Variants in DAB1 observed in about 807,000 individuals in gnomAD.
DAB1 encodes the protein disabled homolog 1.
Under a neutral mutation model 64.6 loss-of-function variants are expected in DAB1, and 15 were observed. The ratio of observed to expected loss-of-function variants is 0.23; its 90% CI spans 0.16 to 0.36. The LOEUF is 0.36. Among genes scored for constraint, DAB1 ranks in the 10% least tolerant of loss-of-function variants. The pLI is 1.00. For synonymous variants in DAB1, 235 were observed against 251.9 expected (o/e 0.93, Z 0.64); for missense variants, 596 against 706.7 (o/e 0.84, Z 1.78).
At chr1:57,553,297 G>A (rs1328041212) in intron 7 of DAB1, among the ~76,000 whole-genome samples, 1 of 149,014 alleles carries the variant, frequency 6.7e-6, no homozygotes, top group Non-Finnish European at 1.5e-5. Flanking sequence ...AAAGATAAGA[G>A]CAGTGGTAAT....
intron 3 of DAB1, among the ~76,000 whole-genome samples, chr1:58,376,605 G>C (rs1229971375): frequency 6.8e-6 from 1 of 147,262 alleles, no homozygotes; most frequent in Non-Finnish European, 1.5e-5. Context: ...CCAACTATGT[G>C]GTCAATTTTT....
At chr1:57,444,933 C>T (rs569273332) in intron 7 of DAB1, among the ~76,000 whole-genome samples, 2 of 152,270 alleles carry the variant, frequency 1.3e-5, no homozygotes, top group South Asian at 4.1e-4. Flanking sequence ...ATTCCTAGGG[C>T]TGGTCAGTTA....
intron 4 of DAB1, among the ~76,000 whole-genome samples, chr1:58,199,603 TATA>T (rs1657888930): frequency 6.6e-6 from 1 of 152,218 alleles, no homozygotes; most frequent in Non-Finnish European, 1.5e-5. Context: ...AAATATTTAC[TATA>T]ATGCTACTAC....
chr1:57,444,688 G>A (rs1686071792), intron 7 of DAB1, among the ~76,000 whole-genome samples: 2 of 152,176 alleles, frequency 1.3e-5, no homozygotes, highest in Non-Finnish European at 2.9e-5. Flanking sequence ...GACTGCAGAG[G>A]CAGAAAGTGG....
At chr1:57,419,065 C>T (rs1003513120) in intron 1 of DAB1, among the ~76,000 whole-genome samples, 2 of 152,112 alleles carry the variant, frequency 1.3e-5, no homozygotes, top group African/African-American at 4.8e-5. Context: ...TATAAATGTA[C>T]ATACCAGAGG....
chr1:57,285,603 TCA>T (rs981931994), intron 2 of DAB1, among the ~76,000 whole-genome samples: 1 of 152,098 alleles, frequency 6.6e-6, no homozygotes, highest in Admixed American at 6.6e-5. Flanking sequence ...GTGGAAATAT[TCA>T]CACACACATA....
chr1:57,621,848 A>AT lies in DAB1; in HGVS notation n.625+27743dup, dbSNP rs1645863629. 5.3e-5 allele frequency among the ~76,000 whole-genome samples: 8 copies of AT among 152,252 alleles called. No individual in the cohort carries two copies. In the South Asian group the frequency reaches 1.7e-3, roughly 32 times the overall value. Reference sequence around the variant, plus strand: ...CCCCCAATTACTTCTTGACTGAGATATTTTTTGAACTAACCAGTTGCTTGA... The same window carrying AT: ...CCCCCAATTACTTCTTGACTGAGATATTTTTTTGAACTAACCAGTTGCTTGA... On this transcript the variant is annotated intron_variant and non_coding_transcript_variant, in intron 7 of 20. Transcript: ENST00000485760.
chr1:57,142,106 T>TGAC (rs2100812693), intron 3 of DAB1, among the ~76,000 whole-genome samples: 1 of 152,206 alleles, frequency 6.6e-6, no homozygotes, highest in South Asian at 2.1e-4. Context: ...TGTCAACAAA[T>TGAC]GATGATGATG....
chr1:57,701,548 T>C (rs1646907805), intron 6 of DAB1, among the ~76,000 whole-genome samples: 1 of 150,646 alleles, frequency 6.6e-6, no homozygotes, highest in Non-Finnish European at 1.5e-5. Context: ...ACACCAGGGG[T>C]AGGGGGAGGA....
intron 5 of DAB1, among the ~76,000 whole-genome samples, chr1:57,941,147 G>A (rs1374888971): frequency 1.3e-5 from 2 of 152,178 alleles, no homozygotes; most frequent in African/African-American, 2.4e-5. Context: ...ATTATCAAGT[G>A]GCTATAATTA....
intron 7 of DAB1, among the ~76,000 whole-genome samples, chr1:57,508,974 T>C (rs1206306050): frequency 1.3e-5 from 2 of 151,346 alleles, no homozygotes; most frequent in Non-Finnish European, 3.0e-5. Flanking sequence ...AATACATTTA[T>C]ATATGCATAT....
intron 7 of DAB1, among the ~76,000 whole-genome samples, chr1:57,528,655 C>G (rs1570599189): frequency 1.3e-5 from 2 of 151,380 alleles, no homozygotes; most frequent in Admixed American, 6.6e-5. Flanking sequence ...CACACACACA[C>G]ACACACACAC....
chr1:58,204,524 C>T (rs910716352), intron 4 of DAB1, among the ~76,000 whole-genome samples: 3 of 152,114 alleles, frequency 2.0e-5, no homozygotes, highest in Non-Finnish European at 4.4e-5. Flanking sequence ...AGGGCAGAAG[C>T]CCAATACCAG....
At chr1:57,870,719 G>C (rs1227387064) in intron 1 of DAB1, among the ~76,000 whole-genome samples, 2 of 152,132 alleles carry the variant, frequency 1.3e-5, no homozygotes, top group Non-Finnish European at 2.9e-5. Context: ...TGTGCTAAAT[G>C]AGTAAATGAT....
intron 2 of DAB1, among the ~76,000 whole-genome samples, chr1:57,235,337 T>G (rs1186066081): frequency 2.6e-5 from 4 of 152,206 alleles, no homozygotes; most frequent in Non-Finnish European, 5.9e-5. Context: ...ACACAGAAAC[T>G]AATAGGTCTG....
chr1:58,191,515 G>A (rs890229278), intron 4 of DAB1, among the ~76,000 whole-genome samples: 2 of 152,178 alleles, frequency 1.3e-5, no homozygotes, highest in African/African-American at 2.4e-5. Flanking sequence ...AGCTGAGGCC[G>A]AGAGAGGGGA....
intron 3 of DAB1, among the ~76,000 whole-genome samples, chr1:58,432,406 C>A (rs1212778921): frequency 6.6e-6 from 1 of 152,106 alleles, no homozygotes; most frequent in Admixed American, 6.5e-5. Context: ...ATGATTGTAT[C>A]CCCAGCACCT....
At chr1:57,809,277 C>T (rs1651508059) in intron 6 of DAB1, among the ~76,000 whole-genome samples, 1 of 152,116 alleles carries the variant, frequency 6.6e-6, no homozygotes, top group Non-Finnish European at 1.5e-5. Flanking sequence ...TATAGCTTTC[C>T]TATCACTAAG....
rs568850870 is a variant in DAB1 at position 58,353,141 on chromosome 1, T to C, written n.258-9738A>G. Among the ~76,000 whole-genome samples, 5 of 152,216 alleles carry C rather than the reference T, an allele frequency of 3.3e-5. No individual in the cohort carries two copies. The East Asian group carries it at 7.7e-4, about 24-fold the overall frequency. On this transcript the variant is annotated intron_variant and non_coding_transcript_variant, in intron 3 of 20. Coordinates refer to the DAB1 transcript ENST00000485760. Reference sequence around the variant, plus strand: ...CCAAAGGTCCCCTTCTTTATTTGTGTCCTCTATCATAAACTCTGTGTTTTG... The same window carrying C: ...CCAAAGGTCCCCTTCTTTATTTGTGCCCTCTATCATAAACTCTGTGTTTTG...
Sources: gnomAD v4.1 joint callset for allele counts (sites outside exome capture counted in the v4.1 genomes callset) on GRCh38, gnomAD v4.1.1 for gene constraint, MANE v1.5 for transcripts, NCBI Gene and HGNC (gene_info 2026-07-23, HGNC 2026-07-21) for gene names.